Variants in KSR2 observed in about 807,000 individuals in gnomAD.
KSR2 encodes kinase suppressor of ras 2.
KSR2 carries 25 observed loss-of-function variants against 107.8 expected under a neutral mutation model. That is an observed-to-expected ratio of 0.23 (90% CI 0.17 to 0.32). KSR2 has a LOEUF of 0.32. KSR2 is among the 10% of genes least tolerant of loss of function. The probability of loss-of-function intolerance (pLI) is 1.00; values close to 1 mark genes in which losing one functional copy is unlikely to be tolerated. For missense variants in KSR2, 887 were observed against 1,268.9 expected (o/e 0.70, Z 4.57); for synonymous variants, 480 against 507.0 (o/e 0.95, Z 0.71).
chr12:117,694,038 A>G, intron 4 of KSR2, among the ~76,000 whole-genome samples: 1 of 152,248 alleles, frequency 6.6e-6, no homozygotes, highest in South Asian at 2.1e-4. Context: ...GGTTAACCAA[A>G]GGACACTACA....
At chr12:117,680,530 A>C (rs1479809763) in intron 4 of KSR2, among the ~76,000 whole-genome samples, 1 of 152,142 alleles carries the variant, frequency 6.6e-6, no homozygotes, top group Non-Finnish European at 1.5e-5. Context: ...CAATTAGATC[A>C]TTTGCTCCAT....
intron 5 of KSR2, among the ~76,000 whole-genome samples, chr12:117,610,889 A>ATATT (rs1881559991): frequency 1.3e-5 from 2 of 152,280 alleles, no homozygotes; most frequent in Admixed American, 6.5e-5. Flanking sequence ...GGAGACATAT[A>ATATT]TATTTCAATA....
rs373168189 is a variant in KSR2 at position 117,731,655 on chromosome 12, G to A, written c.986+29356C>T. On this transcript the variant is annotated intron_variant, in intron 4 of 19. Transcript: ENST00000339824. Reference sequence around the variant, plus strand: ...CTGTTACTGTGTCTGTGTGGAAAGAGGTAGACATGGGAGACTCCATTTTGT... The same window carrying A: ...CTGTTACTGTGTCTGTGTGGAAAGAAGTAGACATGGGAGACTCCATTTTGT... Among the ~76,000 whole-genome samples, 483 of 152,218 alleles carry A rather than the reference G, an allele frequency of 3.2e-3. 3 individuals carry two copies. Among genetic ancestry groups the A allele is most frequent in the Non-Finnish European group, 4.6e-3 (311 of 68,018 alleles).
intron 1 of KSR2, among the ~76,000 whole-genome samples, chr12:117,864,359 GT>G (rs761100365): frequency 6.6e-6 from 1 of 152,176 alleles, no homozygotes; most frequent in Non-Finnish European, 1.5e-5. Flanking sequence ...TGTGGTATTG[GT>G]TTGGGAAGAG....
intron 3 of KSR2, among the ~76,000 whole-genome samples, chr12:117,792,634 G>GCCCCTGCCCT (rs1283061303): frequency 6.6e-6 from 1 of 152,186 alleles, no homozygotes; most frequent in African/African-American, 2.4e-5. Context: ...CAGCCCCGCG[G>GCCCCTGCCCT]CCCCTGCCCT....
At chr12:117,517,581 C>A (rs368559981) in intron 14 of KSR2, 67 of 310,308 alleles carry the variant, frequency 2.2e-4, no homozygotes, top group African/African-American at 1.3e-3. Flanking sequence ...CAGGCGTATG[C>A]AATGTACATG....
intron 3 of KSR2, among the ~76,000 whole-genome samples, chr12:117,796,567 C>G (rs1010244508): frequency 6.6e-6 from 1 of 152,174 alleles, no homozygotes; most frequent in African/African-American, 2.4e-5. Context: ...GCGGACTTCA[C>G]AGTCAAACAG....
At chr12:117,743,177 G>T (rs1381918271) in intron 4 of KSR2, among the ~76,000 whole-genome samples, 1 of 152,158 alleles carries the variant, frequency 6.6e-6, no homozygotes, top group Non-Finnish European at 1.5e-5. Context: ...ACAAAAATAA[G>T]CCTGCCAACT....
At chr12:117,799,365 G>A (rs1236737394) in intron 3 of KSR2, among the ~76,000 whole-genome samples, 1 of 152,070 alleles carries the variant, frequency 6.6e-6, no homozygotes, top group Admixed American at 6.6e-5. Context: ...AGCTGGGCGT[G>A]GTGGCACGCA....
chr12:117,883,114 T>C (rs1300112201), intron 1 of KSR2, among the ~76,000 whole-genome samples: 1 of 152,196 alleles, frequency 6.6e-6, no homozygotes, highest in Non-Finnish European at 1.5e-5. Context: ...CAGCTATCTA[T>C]CCATCTGTCA....
chr12:117,793,348 T>A (rs1890361525), intron 3 of KSR2, among the ~76,000 whole-genome samples: 1 of 131,826 alleles, frequency 7.6e-6, no homozygotes. Flanking sequence ...CACACCAGCA[T>A]GCACACACCC....
At chr12:117,643,027 A>G (rs542253437) in intron 5 of KSR2, among the ~76,000 whole-genome samples, 36 of 152,354 alleles carry the variant, frequency 2.4e-4, no homozygotes, top group Admixed American at 7.2e-4. Flanking sequence ...AAATAAGAAG[A>G]AAGTTTTAAA....
intron 1 of KSR2, among the ~76,000 whole-genome samples, chr12:117,874,533 C>T (rs1033993879): frequency 2.0e-5 from 3 of 152,068 alleles, no homozygotes; most frequent in Admixed American, 6.6e-5. Flanking sequence ...GTACCTGGCC[C>T]GATTGTAAAT....
chr12:117,935,082 C>A (rs1376053295), intron 1 of KSR2, among the ~76,000 whole-genome samples: 1 of 152,132 alleles, frequency 6.6e-6, no homozygotes, highest in Non-Finnish European at 1.5e-5. Context: ...CCTGCTTCAA[C>A]CTCCCAAAGC....
rs117382359 is a variant in KSR2, at chr12:117,837,487, G to A, written c.472+17941C>T. On this transcript the variant is annotated intron_variant, in intron 3 of 19. Coordinates refer to ENST00000339824, the MANE Select transcript of KSR2 (RefSeq NM_173598.6). ...GTCGTATGGTGTCCAAGAAAACACT[G>A]GGAGGAAAAGGCATCCCAGTGTCTA... Among the ~76,000 whole-genome samples, 28 of 152,216 alleles carry A rather than the reference G, an allele frequency of 1.8e-4. 1 individual carries two copies. The East Asian group carries it at 2.5e-3, about 14-fold the overall frequency.
At chr12:117,803,217 T>C (rs1890894689) in intron 3 of KSR2, among the ~76,000 whole-genome samples, 1 of 152,176 alleles carries the variant, frequency 6.6e-6, no homozygotes, top group South Asian at 2.1e-4. Flanking sequence ...GCCTCTCCTT[T>C]ATTAAGCAAC....
At chr12:117,738,684 G>A (rs925801267) in intron 4 of KSR2, among the ~76,000 whole-genome samples, 1 of 152,020 alleles carries the variant, frequency 6.6e-6, no homozygotes, top group African/African-American at 2.4e-5. Flanking sequence ...AGACCAGCCT[G>A]GCCAACACAG....
chr12:117,853,175 C>G (rs1044187381), intron 3 of KSR2, among the ~76,000 whole-genome samples: 3 of 152,028 alleles, frequency 2.0e-5, no homozygotes, highest in African/African-American at 7.2e-5. Flanking sequence ...ACGGGGGTCC[C>G]CAAAGATAAC....
chr12:117,931,290 T>C (rs1895689345), intron 1 of KSR2, among the ~76,000 whole-genome samples: 1 of 152,190 alleles, frequency 6.6e-6, no homozygotes, highest in Non-Finnish European at 1.5e-5. Flanking sequence ...CGAATACTTC[T>C]GATGACCTGG....
Sources: allele counts gnomAD v4.1 joint callset (sites outside exome capture counted in the v4.1 genomes callset), GRCh38; gene constraint gnomAD v4.1.1; transcripts MANE v1.5; gene names NCBI Gene and HGNC (gene_info 2026-07-23, HGNC 2026-07-21).